Variants in ADAM23 observed in about 807,000 individuals in gnomAD.
ADAM23 encodes disintegrin and metalloproteinase domain-containing protein 23.
A neutral mutation model predicts 120.1 loss-of-function variants in ADAM23; 33 were observed. The ratio of observed to expected loss-of-function variants is 0.27; its 90% CI spans 0.21 to 0.37. The LOEUF (loss-of-function observed/expected upper bound fraction) is 0.37, where lower values mean the gene tolerates loss of function less well. ADAM23 is among the 10% of genes least tolerant of loss of function. The pLI, the probability that ADAM23 is intolerant of heterozygous loss-of-function variation, is 1.00. For synonymous variants in ADAM23, 367 were observed against 375.2 expected, an observed-to-expected ratio of 0.98 and a Z score of 0.25; for missense variants, 862 against 1,058.2, an observed-to-expected ratio of 0.81 and a Z score of 2.57.
intron 3 of ADAM23, among the ~76,000 whole-genome samples, chr2:206,511,706 G>A (rs1696627135): frequency 2.0e-5 from 3 of 152,156 alleles, no homozygotes; most frequent in African/African-American, 7.2e-5. Context: ...GCATGTGTTG[G>A]CTTAGACTTC....
intron 24 of ADAM23, among the ~76,000 whole-genome samples, chr2:206,597,158 A>G (rs1031373833): frequency 7.5e-6 from 1 of 134,158 alleles, no homozygotes; most frequent in African/African-American, 2.8e-5. Context: ...GAACCACTGC[A>G]CCCGCCCCTC....
chr2:206,527,557 G>C (rs748316240), intron 3 of ADAM23, among the ~76,000 whole-genome samples: 2 of 152,188 alleles, frequency 1.3e-5, no homozygotes, highest in Non-Finnish European at 2.9e-5. Flanking sequence ...ATATTTTTGA[G>C]TGAGGTGATC....
At chr2:206,467,168 T>C (rs377053463) in intron 2 of ADAM23, among the ~76,000 whole-genome samples, 2 of 152,192 alleles carry the variant, frequency 1.3e-5, no homozygotes, top group East Asian at 3.9e-4. Flanking sequence ...CCCTCCCAAA[T>C]CTCGTGTCCT....
intron 1 of ADAM23, among the ~76,000 whole-genome samples, chr2:206,444,328 T>G (rs1273409194): frequency 6.6e-6 from 1 of 152,228 alleles, no homozygotes. Context: ...AGGTGTTTAG[T>G]GGATCCTGGG....
intron 24 of ADAM23, among the ~76,000 whole-genome samples, chr2:206,600,919 AC>A (rs1257089397): frequency 2.0e-5 from 3 of 152,086 alleles, no homozygotes; most frequent in African/African-American, 7.2e-5. Flanking sequence ...ACATGCAAAA[AC>A]CCTTTCTTAA....
rs1298228924 is a variant in ADAM23 at position 206,567,085 on chromosome 2, A to AT, written c.1395-137dup. ...CAGGTACTTAAGTGGCAATTTGAAC[A>AT]TAAGTCCCTTGTCAAAATTTGTGTA... On this transcript the variant is annotated intron_variant, in intron 14 of 25. Coordinates refer to ENST00000264377, the MANE Select transcript of ADAM23 (RefSeq NM_003812.4). 4 of 657,438 alleles carry AT rather than the reference A, an allele frequency of 6.1e-6. No individual in the cohort carries two copies. The East Asian group carries it at 1.1e-4, about 18-fold the overall frequency. The allele number at this position is 657,438 out of a possible 1,614,324, so 40.7% of individuals were successfully genotyped here.
At chr2:206,582,687 A>G (rs1698242185) in intron 18 of ADAM23, among the ~76,000 whole-genome samples, 1 of 151,994 alleles carries the variant, frequency 6.6e-6, no homozygotes. Flanking sequence ...TTCTGTTTTG[A>G]TGTGTTTCCA....
intron 3 of ADAM23, among the ~76,000 whole-genome samples, chr2:206,504,209 T>C: frequency 6.6e-6 from 1 of 152,298 alleles, no homozygotes; most frequent in South Asian, 2.1e-4. Context: ...ATACATTTTT[T>C]TGATAGAATG....
chr2:206,515,060 TA>T, intron 3 of ADAM23, among the ~76,000 whole-genome samples: 1 of 152,238 alleles, frequency 6.6e-6, no homozygotes, highest in East Asian at 1.9e-4. Flanking sequence ...ATCCCCAAGG[TA>T]TGCCTGTATC....
chr2:206,614,055 T>C (rs903870526), intron 25 of ADAM23, among the ~76,000 whole-genome samples: 1 of 152,216 alleles, frequency 6.6e-6, no homozygotes, highest in African/African-American at 2.4e-5. Context: ...CATCACCACG[T>C]CTTACTCTCC....
At chr2:206,453,223 C>G (rs975113066) in intron 2 of ADAM23, among the ~76,000 whole-genome samples, 1 of 152,168 alleles carries the variant, frequency 6.6e-6, no homozygotes, top group Non-Finnish European at 1.5e-5. Context: ...CATTTCTGTC[C>G]AAACCCTGGG....
At chr2:206,448,040 C>G (rs888841621) in intron 2 of ADAM23, among the ~76,000 whole-genome samples, 6 of 152,256 alleles carry the variant, frequency 3.9e-5, no homozygotes, top group Non-Finnish European at 8.8e-5. Context: ...CAAACCACCT[C>G]TTTGCATCCT....
chr2:206,466,617 A>G (rs143016463), intron 2 of ADAM23, among the ~76,000 whole-genome samples: 1 of 152,288 alleles, frequency 6.6e-6, no homozygotes, highest in African/African-American at 2.4e-5. Context: ...TCACTTGTCC[A>G]TTACTACGAA....
intron 3 of ADAM23, among the ~76,000 whole-genome samples, chr2:206,518,638 T>G (rs1696781489): frequency 6.6e-6 from 1 of 152,208 alleles, no homozygotes; most frequent in Admixed American, 6.5e-5. Context: ...TTAGCAGATC[T>G]TGATCATTAG....
intron 2 of ADAM23, among the ~76,000 whole-genome samples, chr2:206,477,900 ATATATATATAT>A (rs1559225440): frequency 8.8e-6 from 1 of 113,778 alleles, no homozygotes; most frequent in Admixed American, 8.7e-5. Context: ...AAAAAAAAAT[ATATATATATAT>A]ATATATATAT....
intron 3 of ADAM23, 26 bp downstream of exon 3, chr2:206,481,334 A>T: frequency 6.6e-7 from 1 of 1,526,040 alleles, no homozygotes; most frequent in Non-Finnish European, 8.9e-7. Context: ...TAATCTTCTT[A>T]AGAAGCAGGT....
chr2:206,458,225 A>G (rs916342274), intron 2 of ADAM23, among the ~76,000 whole-genome samples: 5 of 72,398 alleles, frequency 6.9e-5, no homozygotes, highest in Non-Finnish European at 9.3e-5. Flanking sequence ...TTCCTTATCA[A>G]TCGCACAGTG....
intron 3 of ADAM23, among the ~76,000 whole-genome samples, chr2:206,490,160 T>A (rs188885169): frequency 1.2e-3 from 180 of 152,298 alleles, no homozygotes; most frequent in Non-Finnish European, 2.1e-3. Flanking sequence ...AAAGACCATG[T>A]GAAGACACAG....
intron 2 of ADAM23, among the ~76,000 whole-genome samples, chr2:206,449,394 T>G (rs1695145827): frequency 6.6e-6 from 1 of 152,182 alleles, no homozygotes; most frequent in Non-Finnish European, 1.5e-5. Context: ...CACTTTAGAT[T>G]CATTCATTCA....
Sources: allele counts gnomAD v4.1 joint callset (sites outside exome capture counted in the v4.1 genomes callset), GRCh38; gene constraint gnomAD v4.1.1; transcripts MANE v1.5; gene names NCBI Gene and HGNC (gene_info 2026-07-23, HGNC 2026-07-21).